The following SAMD12 variants were observed in gnomAD, a reference collection of about 807,000 sequenced individuals.
SAMD12 encodes sterile alpha motif domain-containing protein 12.
Under a neutral mutation model 15.0 loss-of-function variants are expected in SAMD12, and 9 were observed. That is an observed-to-expected ratio of 0.60 (90% CI 0.36 to 1.05). SAMD12 has a LOEUF of 1.05. Among genes scored for constraint, SAMD12 ranks in the 50% least tolerant of loss-of-function variants. SAMD12 has a pLI of 0.01. For synonymous variants in SAMD12, 86 were observed against 90.1 expected (o/e 0.96, Z 0.25); for missense variants, 230 against 234.2 (o/e 0.98, Z 0.12).
At position 118,256,818 on chromosome 8, in the gene SAMD12, ACACG is replaced by A. The variant is rs1403259170; in HGVS notation, c.434-59090_434-59087del. On this transcript the variant is annotated intron_variant, in intron 4 of 4. Coordinates refer to the SAMD12 transcript ENST00000409003. Reference sequence around the variant, plus strand: ...CACACACACACACACACACACACACACACGCACACATTCTTTTTAGCTACGGAAT... The same window carrying A: ...CACACACACACACACACACACACACACACACATTCTTTTTAGCTACGGAAT... 2.4e-4 allele frequency among the ~76,000 whole-genome samples: 35 copies of A among 148,656 alleles called. No homozygotes were observed. The East Asian group carries it at 2.5e-3, about 11-fold the overall frequency.
intron 4 of SAMD12, among the ~76,000 whole-genome samples, chr8:118,271,894 C>T (rs1371039815): frequency 6.6e-6 from 1 of 152,224 alleles, no homozygotes; most frequent in Non-Finnish European, 1.5e-5. Context: ...CACTTCCTGG[C>T]TGCTTTCATG....
intron 2 of SAMD12, among the ~76,000 whole-genome samples, chr8:118,475,083 C>T (rs1823914308): frequency 6.6e-6 from 1 of 151,948 alleles, no homozygotes; most frequent in African/African-American, 2.4e-5. Context: ...ACCAAAAATA[C>T]AAAAAATTAG....
chr8:118,486,724 T>TA (rs60693787), intron 2 of SAMD12, among the ~76,000 whole-genome samples: 53,778 of 151,814 alleles, frequency 0.35, 10,699 homozygotes, highest in East Asian at 0.57. Context: ...CTAAATAACG[T>TA]AAAAAAATAT....
At chr8:118,269,006 A>G (rs775106533) in intron 4 of SAMD12, among the ~76,000 whole-genome samples, 141 of 152,248 alleles carry the variant, frequency 9.3e-4, no homozygotes, top group Middle Eastern at 3.4e-3. Context: ...ATAGAGAGTA[A>G]AAGAAAGGAT....
At chr8:118,469,197 CT>C (rs373397802) in intron 2 of SAMD12, among the ~76,000 whole-genome samples, 6 of 151,644 alleles carry the variant, frequency 4.0e-5, no homozygotes, top group African/African-American at 1.5e-4. Flanking sequence ...TTGTTGTGTA[CT>C]TTTTTTGTGG....
At chr8:118,581,661 C>T (rs759668719) in intron 1 of SAMD12, among the ~76,000 whole-genome samples, 14 of 152,114 alleles carry the variant, frequency 9.2e-5, no homozygotes, top group South Asian at 4.1e-4. Flanking sequence ...ATCTAACAAA[C>T]GCTTACTGAG....
chr8:118,542,528 G>C (rs1826014015), intron 2 of SAMD12, among the ~76,000 whole-genome samples: 1 of 152,096 alleles, frequency 6.6e-6, no homozygotes, highest in Non-Finnish European at 1.5e-5. Flanking sequence ...TTGGAGATGG[G>C]GAGAGCACTC....
intron 4 of SAMD12, among the ~76,000 whole-genome samples, chr8:118,275,317 C>A (rs549430525): frequency 7.0e-4 from 107 of 152,222 alleles, no homozygotes; most frequent in Non-Finnish European, 1.2e-3. Context: ...AAAACCAATT[C>A]TTAGGATGGC....
At chr8:118,318,308 G>GTATATATATATATATATATATATATATA (rs1554630246) in intron 4 of SAMD12, among the ~76,000 whole-genome samples, 3 of 57,514 alleles carry the variant, frequency 5.2e-5, no homozygotes, top group Non-Finnish European at 9.1e-5. Context: ...GGAGATATAT[G>GTATATATATATATATATATATATATATA]TGTATATATA....
At chr8:118,498,543 T>C (rs751416715) in intron 2 of SAMD12, among the ~76,000 whole-genome samples, 37 of 152,180 alleles carry the variant, frequency 2.4e-4, no homozygotes, top group Admixed American at 2.0e-4. Context: ...CCCTTTCTTC[T>C]TCCTCTAAAA....
intron 4 of SAMD12, among the ~76,000 whole-genome samples, chr8:118,198,977 C>T (rs867702713): frequency 1.3e-5 from 2 of 152,022 alleles, no homozygotes. Flanking sequence ...CAACCACTCT[C>T]TTATTGTTGA....
At chr8:118,294,996 G>A (rs946742992) in intron 4 of SAMD12, among the ~76,000 whole-genome samples, 3 of 152,078 alleles carry the variant, frequency 2.0e-5, no homozygotes, top group African/African-American at 7.2e-5. Context: ...GGAGGATCCC[G>A]CTTTAGTTCA....
At chr8:118,191,787 TATATATATATATATATATATATATAG>T (rs1462536527) in exon 5 of SAMD12, 2 of 53,894 alleles carry the variant, frequency 3.7e-5, no homozygotes, top group South Asian at 6.1e-4. Flanking sequence ...TATATATATA[TATATATATATATATATATATATATAG>T]AGAGAGAGAG....
chr8:118,496,309 G>A (rs887777672), intron 2 of SAMD12, among the ~76,000 whole-genome samples: 11 of 152,134 alleles, frequency 7.2e-5, no homozygotes, highest in Non-Finnish European at 1.5e-4. Flanking sequence ...CACACTACCT[G>A]ACTTCAAACT....
the SAMD12 span, among the ~76,000 whole-genome samples, chr8:118,148,975 A>C: frequency 1.3e-5 from 2 of 152,270 alleles, no homozygotes; most frequent in Non-Finnish European, 2.9e-5. Flanking sequence ...GTAATTATGA[A>C]TAAGACTGCT....
downstream of SAMD12, among the ~76,000 whole-genome samples, chr8:118,373,438 C>A (rs557655660): frequency 2.0e-5 from 3 of 152,180 alleles, no homozygotes; most frequent in South Asian, 6.2e-4. Context: ...AGTATCATTG[C>A]GGAGGTGACT....
intron 1 of SAMD12, among the ~76,000 whole-genome samples, chr8:118,583,576 C>A (rs1218579390): frequency 6.6e-6 from 1 of 152,048 alleles, no homozygotes; most frequent in Admixed American, 6.5e-5. Context: ...CTATTCTCTT[C>A]CCCTATCACC....
chr8:118,522,599 G>A (rs890758870), intron 2 of SAMD12, among the ~76,000 whole-genome samples: 1 of 152,098 alleles, frequency 6.6e-6, no homozygotes, highest in Non-Finnish European at 1.5e-5. Flanking sequence ...AATCTATTTA[G>A]GACAATTGCA....
chr8:118,196,343 T>G (rs1819561865), exon 5 of SAMD12: 2 of 152,184 alleles, frequency 1.3e-5, no homozygotes, highest in Non-Finnish European at 2.9e-5. Flanking sequence ...CAGAACATAC[T>G]TTGCTGAGCT....
Sources: gnomAD v4.1 joint callset for allele counts (sites outside exome capture counted in the v4.1 genomes callset) on GRCh38, gnomAD v4.1.1 for gene constraint, MANE v1.5 for transcripts, NCBI Gene and HGNC (gene_info 2026-07-23, HGNC 2026-07-21) for gene names.